Variants in ZNF704 observed in about 807,000 individuals in gnomAD.
ZNF704 encodes the protein zinc finger protein 704.
Under a neutral mutation model 44.7 loss-of-function variants are expected in ZNF704, and 10 were observed. The observed-to-expected ratio is 0.22, with a 90% confidence interval of 0.14 to 0.38. The LOEUF is 0.38. ZNF704 is among the 10% of genes least tolerant of loss of function. The pLI, the probability that ZNF704 is intolerant of heterozygous loss-of-function variation, is 1.00. For synonymous variants in ZNF704, 211 were observed against 207.6 expected (o/e 1.02, Z -0.14); for missense variants, 390 against 545.5 (o/e 0.71, Z 2.84).
At chr8:80,709,562 A>G (rs980997295) in intron 2 of ZNF704, among the ~76,000 whole-genome samples, 2 of 151,312 alleles carry the variant, frequency 1.3e-5, no homozygotes, top group African/African-American at 2.4e-5. Flanking sequence ...GAAGGTGCCT[A>G]TGAAGGATGG....
chr8:80,748,104 C>T (rs1806878075), intron 2 of ZNF704, among the ~76,000 whole-genome samples: 1 of 152,174 alleles, frequency 6.6e-6, no homozygotes, highest in Non-Finnish European at 1.5e-5. Context: ...TATGTGAAGG[C>T]TATACTCCAT....
intron 2 of ZNF704, among the ~76,000 whole-genome samples, chr8:80,814,832 T>C (rs1808149504): frequency 6.6e-6 from 1 of 152,202 alleles, no homozygotes; most frequent in South Asian, 2.1e-4. Flanking sequence ...TAAACATTTG[T>C]TCCAGGAACT....
chr8:80,686,450 T>C (rs1818536772), intron 4 of ZNF704, among the ~76,000 whole-genome samples: 1 of 152,212 alleles, frequency 6.6e-6, no homozygotes, highest in East Asian at 1.9e-4. Flanking sequence ...GGCCAGATCA[T>C]AGCTCACTGC....
At chr8:80,867,446 G>T (rs1038568812) in intron 1 of ZNF704, among the ~76,000 whole-genome samples, 2 of 152,032 alleles carry the variant, frequency 1.3e-5, no homozygotes, top group African/African-American at 4.8e-5. Context: ...AATTGGGGTT[G>T]GCAGACCAGG....
chr8:80,641,642 C>A (rs1455715838), intron 8 of ZNF704, among the ~76,000 whole-genome samples, 165 bp from the exon 9 acceptor site: 1 of 150,576 alleles, frequency 6.6e-6, no homozygotes, highest in Non-Finnish European at 1.5e-5. Context: ...CTGAGGTGGG[C>A]GGATCACCAG....
At chr8:80,815,744 T>C (rs1024934165) in intron 2 of ZNF704, among the ~76,000 whole-genome samples, 9 of 152,240 alleles carry the variant, frequency 5.9e-5, no homozygotes, top group African/African-American at 2.2e-4. Flanking sequence ...ATCTGTTTAC[T>C]CATTTGCAAA....
intron 1 of ZNF704, among the ~76,000 whole-genome samples, chr8:80,865,618 A>G (rs1374430491): frequency 3.3e-5 from 5 of 152,368 alleles, no homozygotes; most frequent in African/African-American, 1.2e-4. Context: ...ACATTCACTT[A>G]CTTCAACTAG....
chr8:80,759,502 C>T (rs541371947), intron 2 of ZNF704, among the ~76,000 whole-genome samples: 185 of 152,188 alleles, frequency 1.2e-3, no homozygotes, highest in African/African-American at 4.2e-3. Context: ...GCAAAGGTGA[C>T]GATGTGTCAC....
chr8:80,641,615 C>T (rs1184793975), intron 8 of ZNF704, 138 bp from the exon 9 acceptor site: 1 of 501,816 alleles, frequency 2.0e-6, no homozygotes, highest in Non-Finnish European at 3.5e-6. Flanking sequence ...TGCCTGTAAT[C>T]CCAGCACTTT....
intron 2 of ZNF704, among the ~76,000 whole-genome samples, chr8:80,710,760 G>T (rs180881190): frequency 6.6e-6 from 1 of 152,292 alleles, no homozygotes; most frequent in Non-Finnish European, 1.5e-5. Context: ...GGACTTCCCT[G>T]CCTCTAGAAC....
intron 4 of ZNF704, among the ~76,000 whole-genome samples, chr8:80,680,254 G>A (rs750685503): frequency 3.3e-5 from 5 of 152,060 alleles, no homozygotes; most frequent in Non-Finnish European, 7.4e-5. Flanking sequence ...TGCATATGAC[G>A]TGTAAGTCCA....
At chr8:80,664,435 C>A (rs183514816) in intron 6 of ZNF704, among the ~76,000 whole-genome samples, 110 of 152,182 alleles carry the variant, frequency 7.2e-4, no homozygotes, top group South Asian at 3.1e-3. Context: ...CCACACCCAG[C>A]TAATTTTGTA....
intron 4 of ZNF704, among the ~76,000 whole-genome samples, chr8:80,678,473 GGGCAATACAGGTTAA>G (rs1818404153): frequency 6.6e-6 from 1 of 152,076 alleles, no homozygotes. Context: ...TTAAATTTGA[GGGCAATACAGGTTAA>G]GGCAATAAGA....
At chr8:80,877,185 GAAA>G (rs5892744), upstream of ZNF704, among the ~76,000 whole-genome samples, 1,288 of 59,636 alleles carry the variant, frequency 0.022, 25 homozygotes, top group African/African-American at 0.071. Flanking sequence ...CTCTGAATGG[GAAA>G]AAAAAAAAAA....
chr8:80,819,761 GTAGT>G (rs1005722823), intron 2 of ZNF704, among the ~76,000 whole-genome samples: 67 of 152,168 alleles, frequency 4.4e-4, no homozygotes, highest in African/African-American at 1.6e-3. Flanking sequence ...ATAATTCCAA[GTAGT>G]TAAACAGAAG....
chr8:80,798,149 A>G (rs1337338701), intron 2 of ZNF704, among the ~76,000 whole-genome samples: 1 of 152,176 alleles, frequency 6.6e-6, no homozygotes, highest in African/African-American at 2.4e-5. Context: ...ACATGGACAC[A>G]ATGCAGCCAA....
chr8:80,709,442 CAAAAAAAAAAAAAAAA>C lies in ZNF704; in HGVS notation c.222-16351_222-16336del, dbSNP rs780264820. On this transcript the variant is annotated intron_variant, in intron 2 of 8. Coordinates refer to ENST00000327835, the MANE Select transcript of ZNF704 (RefSeq NM_001033723.3). ...TTGGCAACAGTGCGAGACTCCATCT[CAAAAAAAAAAAAAAAA>C]AAAAAAAAAAAAAAAGCAGTAATGG... Among the ~76,000 whole-genome samples the C allele has an allele frequency of 1.0e-3, 16 of 15,886 alleles. 1 individual carries two copies. Among genetic ancestry groups the C allele is most frequent in the Middle Eastern group, 0.083 (1 of 12 alleles). The allele number at this position is 15,886 out of a possible 152,430, so 10.4% of individuals were successfully genotyped here.
rs557620105 is a variant in ZNF704, at chr8:80,666,778, T to C, written c.660-1696A>G. On this transcript the variant is annotated intron_variant, in intron 5 of 8. Coordinates refer to ENST00000327835, the MANE Select transcript of ZNF704 (RefSeq NM_001033723.3). ...TAAATGTCTTCTTTTGAGAAGTGTCTGTTCATGTCCTTCGCCCACTTTTTG... is the reference window on the plus strand; with the variant it reads ...TAAATGTCTTCTTTTGAGAAGTGTCCGTTCATGTCCTTCGCCCACTTTTTG... Among the ~76,000 whole-genome samples the C allele has an allele frequency of 2.8e-3, 422 of 150,714 alleles. 3 individuals carry two copies. The highest frequency in any genetic ancestry group is 9.6e-3 in the African/African-American group (394 of 40,964).
chr8:80,850,704 C>T (rs1247535356), intron 1 of ZNF704, among the ~76,000 whole-genome samples: 1 of 152,158 alleles, frequency 6.6e-6, no homozygotes, highest in South Asian at 2.1e-4. Flanking sequence ...TTACAGACTC[C>T]CCTAAGTAGT....
Sources: gnomAD v4.1 joint callset for allele counts (sites outside exome capture counted in the v4.1 genomes callset) on GRCh38, gnomAD v4.1.1 for gene constraint, MANE v1.5 for transcripts, NCBI Gene and HGNC (gene_info 2026-07-23, HGNC 2026-07-21) for gene names.